ATP8A2: variants seen among roughly 807,000 people sequenced by gnomAD.
ATP8A2 encodes ATPase phospholipid transporting 8A2.
In ATP8A2, 100 loss-of-function variants were observed where a neutral mutation model predicts 165.6. The observed-to-expected ratio is 0.60, with a 90% confidence interval of 0.51 to 0.71. ATP8A2 has a LOEUF of 0.71. ATP8A2 is among the 30% of genes least tolerant of loss of function. The pLI, the probability that ATP8A2 is intolerant of heterozygous loss-of-function variation, is 0.00. For synonymous variants in ATP8A2, 543 were observed against 548.8 expected (o/e 0.99, Z 0.15); for missense variants, 1,227 against 1,479.5 (o/e 0.83, Z 2.80).
intron 24 of ATP8A2, among the ~76,000 whole-genome samples, chr13:25,693,773 T>G (rs2042778893): frequency 6.6e-6 from 1 of 152,188 alleles, no homozygotes; most frequent in South Asian, 2.1e-4. Flanking sequence ...CACTGCAACC[T>G]CTGCCTCCCA....
intron 35 of ATP8A2, among the ~76,000 whole-genome samples, chr13:26,000,105 G>A (rs1324403): frequency 1 from 151,870 of 152,304 alleles, 75,720 homozygotes; most frequent in Middle Eastern, 1. Context: ...CTCTAATAAA[G>A]CAGGTTAGAA....
At chr13:25,823,579 C>T (rs958587303) in intron 27 of ATP8A2, among the ~76,000 whole-genome samples, 1 of 152,132 alleles carries the variant, frequency 6.6e-6, no homozygotes, top group African/African-American at 2.4e-5. Context: ...CTTTTACTCT[C>T]TTTTGGTATT....
At chr13:25,873,564 T>A (rs1273715173) in intron 33 of ATP8A2, among the ~76,000 whole-genome samples, 1 of 152,150 alleles carries the variant, frequency 6.6e-6, no homozygotes, top group South Asian at 2.1e-4. Context: ...CACCTTTGTG[T>A]CCTTTTTGAG....
intron 27 of ATP8A2, among the ~76,000 whole-genome samples, chr13:25,810,571 A>C (rs1950844320): frequency 6.6e-6 from 1 of 152,048 alleles, no homozygotes; most frequent in East Asian, 1.9e-4. Flanking sequence ...CCTGATATGT[A>C]CTCAATATTT....
Position 25,530,001 on chromosome 13 carries a change from C to T in ATP8A2, c.224C>T (p.Thr75Met), listed in dbSNP as rs768658033. ...ATTATTTTTCTTTGCACTTACAGTA[C>T]GGCCAAGTACAGCGTGTTGACATTT... Reference protein sequence around the residue: ...LNKFRDNQISTAKYSVLTFLP... With the variant: ...LNKFRDNQISMAKYSVLTFLP... The change falls in exon 3 of 37, where the codon ACG becomes ATG. Residue 75 changes from threonine to methionine, a missense_variant and splice_region_variant. Transcript: ENST00000381655. The T allele has an allele frequency of 1.3e-5, 20 of 1,599,132 alleles. No homozygotes were observed. Among genetic ancestry groups the T allele is most frequent in the East Asian group, 4.5e-5 (2 of 44,734 alleles).
chr13:26,009,348 G>A (rs760109449), intron 35 of ATP8A2, among the ~76,000 whole-genome samples: 2 of 152,172 alleles, frequency 1.3e-5, no homozygotes, highest in Non-Finnish European at 2.9e-5. Flanking sequence ...GTAAGGCAGC[G>A]TGGGAAAGAG....
intron 16 of ATP8A2, among the ~76,000 whole-genome samples, chr13:25,567,848 T>A (rs948654866): frequency 6.6e-6 from 1 of 152,198 alleles, no homozygotes; most frequent in Admixed American, 6.5e-5. Flanking sequence ...TGGGATTGAA[T>A]TAAATGTACC....
At chr13:25,751,080 T>C (rs114349213) in intron 25 of ATP8A2, among the ~76,000 whole-genome samples, 1,591 of 152,318 alleles carry the variant, frequency 0.01, 35 homozygotes, top group African/African-American at 0.037. Flanking sequence ...ACTGTGCAAA[T>C]GTGATTTATT....
At chr13:25,839,416 G>A in intron 29 of ATP8A2, 130 bp from the exon 30 acceptor site, 13 of 595,314 alleles carry the variant, frequency 2.2e-5, no homozygotes, top group South Asian at 4.8e-5. Flanking sequence ...TCAAATTCAA[G>A]AATAATATGC....
intron 30 of ATP8A2, among the ~76,000 whole-genome samples, chr13:25,850,642 T>C (rs1951983868): frequency 6.6e-6 from 1 of 152,136 alleles, no homozygotes; most frequent in South Asian, 2.1e-4. Flanking sequence ...TCACTTGAGA[T>C]TTTAAATATC....
chr13:25,701,304 A>C (rs2042946340), intron 25 of ATP8A2, among the ~76,000 whole-genome samples: 1 of 152,196 alleles, frequency 6.6e-6, no homozygotes, highest in Non-Finnish European at 1.5e-5. Flanking sequence ...AGTTTAGATT[A>C]GGGCTATGCA....
At chr13:25,690,826 T>G (rs1278490326) in intron 24 of ATP8A2, among the ~76,000 whole-genome samples, 1 of 152,048 alleles carries the variant, frequency 6.6e-6, no homozygotes, top group East Asian at 1.9e-4. Context: ...GTGGTATGAC[T>G]GGGTAACTCC....
intron 1 of ATP8A2, among the ~76,000 whole-genome samples, chr13:25,418,910 C>T (rs933096243): frequency 3.3e-5 from 5 of 152,104 alleles, no homozygotes; most frequent in Non-Finnish European, 7.3e-5. Flanking sequence ...TGAGATTTCT[C>T]ATCTGGGTCT....
At chr13:25,958,677 T>A (rs759341896) in intron 33 of ATP8A2, among the ~76,000 whole-genome samples, 1 of 152,212 alleles carries the variant, frequency 6.6e-6, no homozygotes, top group Non-Finnish European at 1.5e-5. Flanking sequence ...TCTCAGTCCA[T>A]CTGTGAAAAT....
At chr13:25,671,056 C>A (rs1475185541) in intron 24 of ATP8A2, among the ~76,000 whole-genome samples, 1 of 152,180 alleles carries the variant, frequency 6.6e-6, no homozygotes, top group Non-Finnish European at 1.5e-5. Context: ...GAAGCCATGG[C>A]AGAAGAACGT....
rs761290601 is a variant in ATP8A2, at chr13:25,536,126, T to C, written c.508-1862T>C. Reference sequence around the variant, plus strand: ...AAATCGTTTTAATTTTATTTTATTCTTTTTAGACGGAGTCTCGCTCTGTTG... The same window carrying C: ...AAATCGTTTTAATTTTATTTTATTCCTTTTAGACGGAGTCTCGCTCTGTTG... On this transcript the variant is annotated intron_variant, in intron 6 of 36. Transcript: ENST00000381655. Among the ~76,000 whole-genome samples the C allele has an allele frequency of 3.2e-4, 49 of 152,200 alleles. 2 individuals carry two copies. Among genetic ancestry groups the C allele is most frequent in the Admixed American group, 1.8e-3 (27 of 15,282 alleles).
intron 25 of ATP8A2, among the ~76,000 whole-genome samples, chr13:25,735,611 G>A (rs1430362011): frequency 6.6e-6 from 1 of 152,104 alleles, no homozygotes; most frequent in Non-Finnish European, 1.5e-5. Flanking sequence ...GGAGGAGGAT[G>A]AATGAGAGGA....
intron 24 of ATP8A2, among the ~76,000 whole-genome samples, chr13:25,692,072 G>A (rs142070495): frequency 6.6e-6 from 1 of 152,176 alleles, no homozygotes; most frequent in Non-Finnish European, 1.5e-5. Context: ...GGCAGGGAAC[G>A]ATCTGAAGAA....
At chr13:25,809,701 A>T (rs1386831396) in intron 27 of ATP8A2, among the ~76,000 whole-genome samples, 2 of 151,912 alleles carry the variant, frequency 1.3e-5, no homozygotes, top group African/African-American at 4.8e-5. Flanking sequence ...CAGAGCTCTG[A>T]TGTTCTTATT....
Sources: gnomAD v4.1 joint callset for allele counts (sites outside exome capture counted in the v4.1 genomes callset) on GRCh38, gnomAD v4.1.1 for gene constraint, MANE v1.5 for transcripts, NCBI Gene and HGNC (gene_info 2026-07-23, HGNC 2026-07-21) for gene names.